KALRN: variants seen among roughly 807,000 people sequenced by gnomAD.
KALRN encodes the protein kalirin.
In KALRN, 70 loss-of-function variants were observed where a neutral mutation model predicts 353.7. That is an observed-to-expected ratio of 0.20 (90% CI 0.16 to 0.24). KALRN has a LOEUF of 0.24. Among genes scored for constraint, KALRN ranks in the 10% least tolerant of loss-of-function variants. The pLI, the probability that KALRN is intolerant of heterozygous loss-of-function variation, is 1.00. For missense variants in KALRN, 2,791 were observed against 3,756.7 expected, an observed-to-expected ratio of 0.74 and a Z score of 6.72; for synonymous variants, 1,391 against 1,434.8, an observed-to-expected ratio of 0.97 and a Z score of 0.69.
rs10634082 is a variant in KALRN, at chr3:124,110,469, G to GCGCACACACACACACACA, written c.73+76657_73+76658insGCACACACACACACACAC. On this transcript the variant is annotated intron_variant, in intron 1 of 59. Coordinates refer to ENST00000682506, the MANE Select transcript of KALRN (RefSeq NM_001388419.1). ...ATATATTTCATATATACACACGCGC[G>GCGCACACACACACACACA]CACACACACACACACACACACACAC... Among the ~76,000 whole-genome samples, 9 of 133,984 alleles carry GCGCACACACACACACACA rather than the reference G, an allele frequency of 6.7e-5. No homozygotes were observed. The South Asian group carries it at 2.1e-3, about 31-fold the overall frequency. The allele number at this position is 133,984 out of a possible 152,430, so 87.9% of individuals were successfully genotyped here. A position where few individuals can be genotyped will look rare whatever the true frequency, so the allele number is the denominator to read the frequency against.
At chr3:124,705,873 C>T (rs1416778775) in intron 57 of KALRN, among the ~76,000 whole-genome samples, 2 of 149,370 alleles carry the variant, frequency 1.3e-5, no homozygotes, top group East Asian at 4.0e-4. Flanking sequence ...TCCTTCCTCC[C>T]TCTTTCTCTC....
chr3:124,514,299 A>G (rs2066292423), intron 33 of KALRN, among the ~76,000 whole-genome samples: 1 of 151,872 alleles, frequency 6.6e-6, no homozygotes, highest in Admixed American at 6.6e-5. Flanking sequence ...AGAATCCCCC[A>G]CCCCATCTAA....
intron 1 of KALRN, among the ~76,000 whole-genome samples, chr3:124,084,672 C>T (rs145107074): frequency 8.3e-4 from 126 of 152,300 alleles, no homozygotes; most frequent in African/African-American, 3.0e-3. Context: ...ACGTGAAGTT[C>T]TGGGATTTTT....
intron 1 of KALRN, chr3:124,100,675 T>C (rs984148407): frequency 5.3e-5 from 8 of 152,236 alleles, no homozygotes; most frequent in African/African-American, 1.9e-4. Flanking sequence ...GATTATCTTC[T>C]TGGGACTGTC....
intron 1 of KALRN, among the ~76,000 whole-genome samples, chr3:124,211,880 G>T (rs1289979410): frequency 6.6e-6 from 1 of 152,160 alleles, no homozygotes; most frequent in African/African-American, 2.4e-5. Context: ...GATAGAAACT[G>T]CATGACTCTT....
chr3:124,380,722 C>T (rs568081686), intron 10 of KALRN, among the ~76,000 whole-genome samples: 1 of 152,292 alleles, frequency 6.6e-6, no homozygotes, highest in South Asian at 2.1e-4. Flanking sequence ...GTGATCCTTG[C>T]CCCAATTTGG....
chr3:124,704,546 T>C (rs1341706780), intron 57 of KALRN, among the ~76,000 whole-genome samples: 3 of 151,988 alleles, frequency 2.0e-5, no homozygotes, highest in Admixed American at 6.6e-5. Flanking sequence ...TTCTTTTTTT[T>C]TCTTTTTTCT....
Position 124,368,193 on chromosome 3 carries a change from A to AC in KALRN, c.1771-16646dup, listed in dbSNP as rs1417261780. On this transcript the variant is annotated intron_variant, in intron 10 of 59. Coordinates refer to ENST00000682506, the MANE Select transcript of KALRN (RefSeq NM_001388419.1). ...GCACGGCTGGCCGGGCGGGGGGCTG[A>AC]CCCCCCACACCTCCCTCCCGGACAG... Among the ~76,000 whole-genome samples, 539 of 56,236 alleles carry AC rather than the reference A, an allele frequency of 9.6e-3. 68 individuals carry two copies. The highest frequency in any genetic ancestry group is 0.038 in the African/African-American group (491 of 12,816). 36.9% of individuals were successfully genotyped at this position (56,236 alleles called of 152,430 possible). A position where few individuals can be genotyped will look rare whatever the true frequency, so the allele number is the denominator to read the frequency against.
At chr3:124,383,725 G>C (rs1448608956) in intron 10 of KALRN, among the ~76,000 whole-genome samples, 2 of 152,192 alleles carry the variant, frequency 1.3e-5, no homozygotes, top group African/African-American at 4.8e-5. Context: ...GGGATTAGGA[G>C]TTCAACATGT....
intron 55 of KALRN, among the ~76,000 whole-genome samples, chr3:124,698,528 A>G (rs2062169211): frequency 6.6e-6 from 1 of 152,182 alleles, no homozygotes; most frequent in African/African-American, 2.4e-5. Flanking sequence ...ATGTATCCCT[A>G]CTTAACATGC....
At chr3:124,475,340 T>C (rs2061341075) in intron 26 of KALRN, among the ~76,000 whole-genome samples, 2 of 152,228 alleles carry the variant, frequency 1.3e-5, no homozygotes, top group South Asian at 2.1e-4. Context: ...GCTGTTATCA[T>C]GGGCCAAGTA....
chr3:124,258,989 TA>T (rs1475030025), intron 3 of KALRN, among the ~76,000 whole-genome samples: 13 of 152,380 alleles, frequency 8.5e-5, no homozygotes, highest in Admixed American at 1.3e-4. Context: ...ATAACTGTCT[TA>T]GACTGTGTTT....
chr3:124,336,865 A>G (rs776177094), intron 9 of KALRN, among the ~76,000 whole-genome samples: 91 of 152,144 alleles, frequency 6.0e-4, no homozygotes, highest in Non-Finnish European at 1.1e-3. Context: ...CATCCCTTGT[A>G]GTTGTATACG....
chr3:124,577,413 G>C (rs746399204), intron 34 of KALRN, among the ~76,000 whole-genome samples: 4 of 152,136 alleles, frequency 2.6e-5, no homozygotes, highest in Non-Finnish European at 4.4e-5. Context: ...CCAAGTGGAT[G>C]ATGGTACCCA....
At chr3:124,582,331 A>G (rs1296889592) in intron 34 of KALRN, among the ~76,000 whole-genome samples, 1 of 152,126 alleles carries the variant, frequency 6.6e-6, no homozygotes, top group Non-Finnish European at 1.5e-5. Context: ...AACATGAGCA[A>G]TTTGAACTGT....
At chr3:124,412,515 G>A (rs2092250578) in intron 13 of KALRN, among the ~76,000 whole-genome samples, 1 of 152,160 alleles carries the variant, frequency 6.6e-6, no homozygotes, top group Non-Finnish European at 1.5e-5. Flanking sequence ...TCACACAAGT[G>A]GAATTATCTA....
chr3:124,711,170 G>A (rs890118662), intron 57 of KALRN, among the ~76,000 whole-genome samples: 1 of 151,424 alleles, frequency 6.6e-6, no homozygotes, highest in African/African-American at 2.4e-5. Flanking sequence ...TTGTTTTACT[G>A]ATTAGTACAT....
chr3:124,632,432 A>C lies in KALRN; in HGVS notation c.5195A>C (p.His1732Pro). 6.2e-7 allele frequency: 1 copy of C among 1,613,784 alleles called. No individual in the cohort carries two copies. The highest frequency in any genetic ancestry group is 8.5e-7 in the Non-Finnish European group (1 of 1,179,840). The change falls in exon 35 of 60, where the codon CAT (histidine) becomes CCT (proline). Residue 1732 changes from histidine (H) to proline (P), a missense_variant. This residue lies in a region of KALRN where 1,065 missense variants were observed against 1,156.4 expected (regional missense o/e 0.92). Coordinates refer to ENST00000682506, the MANE Select transcript of KALRN (RefSeq NM_001388419.1). ...CCGTTTTCCTCAGATGCATACTCTC[A>C]TTCCTCAAGCGAGAATGGAGGCAAG... is the stretch of plus-strand genomic sequence containing the variant. ...FFPLVKDAYSHSSSENGGKSE... is the reference protein window; with the variant it reads ...FFPLVKDAYSPSSSENGGKSE...
At chr3:124,592,309 C>CAAAAAAAAAAAAAAAAAAAAA (rs10575664) in intron 34 of KALRN, among the ~76,000 whole-genome samples, 1 of 120,648 alleles carries the variant, frequency 8.3e-6, no homozygotes, top group Non-Finnish European at 1.7e-5. Flanking sequence ...CTCAAAGAAA[C>CAAAAAAAAAAAAAAAAAAAAA]AAAAAAAAAA....
Sources: gnomAD v4.1 joint callset for allele counts (sites outside exome capture counted in the v4.1 genomes callset) on GRCh38, gnomAD v4.1.1 for gene constraint, gnomAD v4.1.1 regional missense constraint, MANE v1.5 for transcripts, NCBI Gene and HGNC (gene_info 2026-07-23, HGNC 2026-07-21) for gene names.